Variants in PIEZO1 observed in about 807,000 individuals in gnomAD.
PIEZO1 encodes piezo-type mechanosensitive ion channel component 1.
PIEZO1 carries 296 observed loss-of-function variants against 297.2 expected under a neutral mutation model. That is an observed-to-expected ratio of 1.00 (90% CI 0.91 to 1.10). The LOEUF is 1.10. Among genes scored for constraint, PIEZO1 ranks in the 50% least tolerant of loss-of-function variants. PIEZO1 has a pLI of 0.00. For synonymous variants in PIEZO1, 2,427 were observed against 1,507.5 expected (o/e 1.61, Z -14.13); for missense variants, 5,018 against 3,455.5 (o/e 1.45, Z -11.34).
intron 1 of PIEZO1, among the ~76,000 whole-genome samples, chr16:88,753,786 G>A (rs766055279): frequency 2.0e-5 from 3 of 152,252 alleles, no homozygotes; most frequent in South Asian, 4.1e-4. Context: ...AGCCAGAGGG[G>A]GAGACTTCAG....
At chr16:88,737,199 C>T (rs1366662832) in intron 10 of PIEZO1, 3 of 281,938 alleles carry the variant, frequency 1.1e-5, no homozygotes, top group East Asian at 9.8e-5. Flanking sequence ...CGAGCGGCCT[C>T]CTGGGGCCAC....
In PIEZO1 at chr16:88,723,899, G is replaced by A. The variant is rs777087202; in HGVS notation, c.4307C>T (p.Pro1436Leu). 60 of 1,547,912 alleles carry A rather than the reference G, an allele frequency of 3.9e-5. No homozygotes were observed. The highest frequency in any genetic ancestry group is 5.5e-5 in the African/African-American group (4 of 73,032). ...EEEEEAVPED[P>L]RPSAQSAFQL... ...GAAGGCACTCTGTGCCGACGGCCTC[G>A]GGTCTTCAGGAACAGCCTCCTCCTC... The change falls in exon 31 of 51, where the codon CCG becomes CTG. Residue 1436 changes from proline (P) to leucine (L), a missense_variant. By Grantham distance (98) the Pro-to-Leu change is moderately conservative (BLOSUM62 -3). Coordinates refer to ENST00000301015, the MANE Select transcript of PIEZO1 (RefSeq NM_001142864.4).
chr16:88,717,436 G>A lies in PIEZO1; in HGVS notation c.6472-225C>T, dbSNP rs773112537. The A allele has an allele frequency of 1.5e-4, 98 of 636,410 alleles. No homozygotes were observed. The East Asian group carries it at 2.2e-3, about 14-fold the overall frequency. The allele number at this position is 636,410 out of a possible 1,614,324, so 39.4% of individuals were successfully genotyped here. A position where few individuals can be genotyped will look rare whatever the true frequency, so the allele number is the denominator to read the frequency against. On this transcript the variant is annotated intron_variant, in intron 44 of 50. Coordinates refer to ENST00000301015, the MANE Select transcript of PIEZO1 (RefSeq NM_001142864.4). ...GATCTTAGACAAGGGAGCTGTGACC[G>A]TTCAGTGGGAACGGACAACCTTTTT... is the stretch of plus-strand genomic sequence containing the variant.
rs1358021323 is a variant in PIEZO1, at chr16:88,719,586, T to G, written c.6459A>C (p.Arg2153=). The G allele has an allele frequency of 1.7e-5, 26 of 1,550,668 alleles. No individual in the cohort carries two copies. Among genetic ancestry groups the G allele is most frequent in the Non-Finnish European group, 1.9e-5 (22 of 1,147,062 alleles). Reference sequence around the variant, plus strand: ...TGGGCCCAGGCACCTTCTCTGTCTCTCGGCTGCATTTGATGATGAAGATGT... The same window carrying G: ...TGGGCCCAGGCACCTTCTCTGTCTCGCGGCTGCATTTGATGATGAAGATGT... ...YANIFIIKCS[R]ETEKKYPQPK... is the part of the protein sequence containing the mutation. Residue 2153 remains arginine (R), a synonymous_variant, in exon 44 of 51, where the codon CGA becomes CGC. Coordinates refer to ENST00000301015, the MANE Select transcript of PIEZO1 (RefSeq NM_001142864.4).
intron 1 of PIEZO1, among the ~76,000 whole-genome samples, chr16:88,756,699 T>G (rs1322250682): frequency 6.6e-6 from 1 of 150,934 alleles, no homozygotes. Context: ...ACCTGGGAGG[T>G]GGAGGTTGCA....
intron 1 of PIEZO1, among the ~76,000 whole-genome samples, chr16:88,784,072 C>G (rs573332435): frequency 6.6e-6 from 1 of 152,200 alleles, no homozygotes; most frequent in South Asian, 2.1e-4. Flanking sequence ...AGGCCAGGGT[C>G]GGGGAAGGGT....
chr16:88,733,298 A>T lies in PIEZO1; in HGVS notation c.2644T>A (p.Tyr882Asn), dbSNP rs1429883951. 1 of 1,543,884 alleles carries T rather than the reference A, an allele frequency of 6.5e-7. No individual in the cohort carries two copies. Among genetic ancestry groups the T allele is most frequent in the Non-Finnish European group, 8.8e-7 (1 of 1,141,696 alleles). ...GGTACCTCGGTGCAGTTGCTGGAATACTCCTGGGGGTTGACAACCTTGAGC... is the reference window on the plus strand; with the variant it reads ...GGTACCTCGGTGCAGTTGCTGGAATTCTCCTGGGGGTTGACAACCTTGAGC... ...YQLKVVNPQE[Y>N]SSNCTEPFPN... is the part of the protein sequence containing the mutation. The change falls in exon 19 of 51, where the codon TAT becomes AAT. Residue 882 changes from tyrosine (Y) to asparagine (N), a missense_variant. Coordinates refer to ENST00000301015, the MANE Select transcript of PIEZO1 (RefSeq NM_001142864.4).
At chr16:88,748,207 G>A (rs1443579911) in intron 2 of PIEZO1, among the ~76,000 whole-genome samples, 2 of 86,128 alleles carry the variant, frequency 2.3e-5, no homozygotes, top group Non-Finnish European at 4.9e-5. Context: ...AAGACCAGCG[G>A]AGGGCCCGGC....
At chr16:88,776,415 C>A (rs1449268728) in intron 1 of PIEZO1, among the ~76,000 whole-genome samples, 2 of 151,188 alleles carry the variant, frequency 1.3e-5, no homozygotes, top group African/African-American at 4.9e-5. Flanking sequence ...GCCAGGGCGA[C>A]AGAGCGAGAC....
chr16:88,779,159 A>G (rs541947259), intron 1 of PIEZO1, among the ~76,000 whole-genome samples: 53 of 150,130 alleles, frequency 3.5e-4, no homozygotes, highest in Non-Finnish European at 6.6e-4. Context: ...CTCCTGTCTC[A>G]GCCTTCCCAG....
chr16:88,719,592 G>A lies in PIEZO1; in HGVS notation c.6453C>T (p.Cys2151=). The change falls in exon 44 of 51, where the codon TGC becomes TGT. Residue 2151 remains cysteine (C), a synonymous_variant. Coordinates refer to ENST00000301015, the MANE Select transcript of PIEZO1 (RefSeq NM_001142864.4). ...DIYANIFIIK[C]SRETEKKYPQ... ...CAGGCACCTTCTCTGTCTCTCGGCT[G>A]CATTTGATGATGAAGATGTTGGCAT... 2.6e-6 allele frequency: 4 copies of A among 1,551,070 alleles called. No homozygotes were observed.
rs558439465 is a variant in PIEZO1, at chr16:88,777,327, G to A, written c.64+7574C>T. 9.2e-5 allele frequency among the ~76,000 whole-genome samples: 14 copies of A among 152,380 alleles called. No homozygotes were observed. In the South Asian group the frequency reaches 2.9e-3, roughly 32 times the overall value. On this transcript the variant is annotated intron_variant, in intron 1 of 50. Coordinates refer to ENST00000301015, the MANE Select transcript of PIEZO1 (RefSeq NM_001142864.4). ...TGCACCCACCAAGGAGGGAGAAAGCGAAGGCAGCGGAGGCCAGGGCAGAGC... is the reference window on the plus strand; with the variant it reads ...TGCACCCACCAAGGAGGGAGAAAGCAAAGGCAGCGGAGGCCAGGGCAGAGC...
intron 1 of PIEZO1, among the ~76,000 whole-genome samples, chr16:88,761,178 T>C (rs373723878): frequency 5.6e-4 from 85 of 152,112 alleles, no homozygotes; most frequent in African/African-American, 2.0e-3. Flanking sequence ...GGGGGAACTG[T>C]CTCTGCCCAG....
intron 18 of PIEZO1, 62 bp from the exon 19 acceptor site, chr16:88,733,516 T>G (rs1048766142): frequency 5.7e-5 from 87 of 1,531,240 alleles, no homozygotes; most frequent in Non-Finnish European, 7.3e-5. Flanking sequence ...GGGGCTGGGC[T>G]TGGGGAGGCC....
intron 22 of PIEZO1, among the ~76,000 whole-genome samples, chr16:88,730,670 G>T (rs1035793072): frequency 6.6e-6 from 1 of 151,538 alleles, no homozygotes; most frequent in African/African-American, 2.4e-5. Flanking sequence ...GGCCTCAAGG[G>T]ATGCTCCTGC....
intron 2 of PIEZO1, chr16:88,745,355 C>G (rs1905981272): frequency 6.6e-6 from 1 of 152,366 alleles, no homozygotes; most frequent in African/African-American, 2.4e-5. Context: ...CTGTGTGGGC[C>G]CCAACCCATC....
intron 5 of PIEZO1, 95 bp from the exon 6 acceptor site, chr16:88,738,831 C>T: frequency 8.9e-7 from 1 of 1,126,450 alleles, no homozygotes; most frequent in Non-Finnish European, 1.3e-6. Flanking sequence ...GGGAGGCGGC[C>T]ACATCCACAG....
chr16:88,768,067 C>A (rs1200341312), intron 1 of PIEZO1, among the ~76,000 whole-genome samples: 1 of 152,254 alleles, frequency 6.6e-6, no homozygotes, highest in African/African-American at 2.4e-5. Context: ...AAGTGGGACC[C>A]ACGAGCCCCC....
At position 88,769,859 on chromosome 16, in the gene PIEZO1, G is replaced by A. The variant is rs560379326; in HGVS notation, c.64+15042C>T. Among the ~76,000 whole-genome samples, 110 of 152,320 alleles carry A rather than the reference G, an allele frequency of 7.2e-4. No homozygotes were observed. In the Middle Eastern group the frequency reaches 0.01, roughly 14 times the overall value. ...AGCTCAGAGCTGGCCCTGCTCCTGC[G>A]CAGGTTAGAGGGAACAGAGAGGCCG... is the stretch of plus-strand genomic sequence containing the variant. On this transcript the variant is annotated intron_variant, in intron 1 of 50. Transcript: ENST00000301015.
Sources: allele counts gnomAD v4.1 joint callset (sites outside exome capture counted in the v4.1 genomes callset), GRCh38; gene constraint gnomAD v4.1.1; transcripts MANE v1.5; gene names NCBI Gene and HGNC (gene_info 2026-07-23, HGNC 2026-07-21).